Variants in LAMA3 observed in about 807,000 individuals in gnomAD.
The protein encoded by LAMA3 is laminin subunit alpha 3, also known as laminin subunit alpha-3.
In LAMA3, 281 loss-of-function variants were observed where a neutral mutation model predicts 402.0. The ratio of observed to expected loss-of-function variants is 0.70; its 90% CI spans 0.63 to 0.77. The LOEUF (loss-of-function observed/expected upper bound fraction) is 0.77. LAMA3 is among the 30% of genes least tolerant of loss of function. The probability of loss-of-function intolerance (pLI) is 0.00; values close to 1 mark genes in which losing one functional copy is unlikely to be tolerated. For synonymous variants in LAMA3, 1,431 were observed against 1,558.4 expected (o/e 0.92, Z 1.93); for missense variants, 3,840 against 4,215.5 (o/e 0.91, Z 2.47).
At chr18:23,745,127 G>T (rs2061629434) in intron 2 of LAMA3, among the ~76,000 whole-genome samples, 1 of 152,062 alleles carries the variant, frequency 6.6e-6, no homozygotes, top group South Asian at 2.1e-4. Context: ...AAGTATTTAG[G>T]AGGAAAGTAT....
At chr18:23,696,983 A>G (rs572217464) in intron 1 of LAMA3, among the ~76,000 whole-genome samples, 1 of 152,342 alleles carries the variant, frequency 6.6e-6, no homozygotes, top group South Asian at 2.1e-4. Context: ...AGAAAATTGT[A>G]GCTGAAGCAA....
intron 44 of LAMA3, among the ~76,000 whole-genome samples, chr18:23,897,261 T>C (rs979711350): frequency 6.6e-6 from 1 of 152,172 alleles, no homozygotes; most frequent in African/African-American, 2.4e-5. Context: ...ACTTTTGGGT[T>C]GAGGGCTGAT....
intron 2 of LAMA3, among the ~76,000 whole-genome samples, chr18:23,719,650 T>C (rs2061174071): frequency 6.6e-6 from 1 of 152,050 alleles, no homozygotes; most frequent in South Asian, 2.1e-4. Flanking sequence ...GAATTCAGTA[T>C]GTAGTTGCAT....
chr18:23,798,470 G>A (rs921614350), intron 12 of LAMA3, among the ~76,000 whole-genome samples: 8 of 152,140 alleles, frequency 5.3e-5, no homozygotes, highest in Admixed American at 3.3e-4. Context: ...GTCAGACACC[G>A]GCCGGGGAGG....
chr18:23,690,088 G>A, intron 1 of LAMA3, 111 bp downstream of exon 1: 1 of 872,936 alleles, frequency 1.1e-6, no homozygotes, highest in Non-Finnish European at 1.6e-6. Context: ...GGCTCCGGGC[G>A]ACTGGGAAGG....
At chr18:23,811,899 AGTCTCGCTCT>A (rs1466755765) in intron 13 of LAMA3, among the ~76,000 whole-genome samples, 2 of 151,732 alleles carry the variant, frequency 1.3e-5, no homozygotes, top group African/African-American at 4.8e-5. Context: ...TTTGAGACAG[AGTCTCGCTCT>A]GTCCCCCAGG....
intron 32 of LAMA3, among the ~76,000 whole-genome samples, chr18:23,850,293 AT>A (rs1362251593): frequency 6.6e-6 from 1 of 152,210 alleles, no homozygotes; most frequent in Non-Finnish European, 1.5e-5. Context: ...TGTTACAAAT[AT>A]TCATCTACTT....
intron 36 of LAMA3, among the ~76,000 whole-genome samples, 170 bp from the exon 37 acceptor site, chr18:23,867,664 T>A (rs1349326803): frequency 6.6e-6 from 1 of 152,236 alleles, no homozygotes; most frequent in Non-Finnish European, 1.5e-5. Flanking sequence ...TACTTATAAT[T>A]ATTCTGTTTC....
intron 24 of LAMA3, chr18:23,834,192 A>G: frequency 1.6e-6 from 1 of 607,784 alleles, no homozygotes; most frequent in Non-Finnish European, 2.9e-6. Context: ...AAAATGTGGC[A>G]TTTTCTTAAA....
intron 2 of LAMA3, among the ~76,000 whole-genome samples, chr18:23,727,917 A>G (rs1039139991): frequency 1.3e-5 from 2 of 151,802 alleles, no homozygotes; most frequent in African/African-American, 4.8e-5. Context: ...TTATTTTTGT[A>G]GAGATAGGGT....
Position 23,873,085 on chromosome 18 carries a change from G to A in LAMA3, c.4998+1424G>A, listed in dbSNP as rs2064582846. Reference sequence around the variant, plus strand: ...AGGCGGTCAGCCTGCAGCATGGGATGGCTGTGGATCTTTGGGGCAGCCCTG... The same window carrying A: ...AGGCGGTCAGCCTGCAGCATGGGATAGCTGTGGATCTTTGGGGCAGCCCTG... On this transcript the variant is annotated intron_variant, in intron 38 of 74. Transcript: ENST00000313654. 1 of 1,614,226 alleles carries A rather than the reference G, an allele frequency of 6.2e-7. No homozygotes were observed. Among genetic ancestry groups the A allele is most frequent in the Non-Finnish European group, 8.5e-7 (1 of 1,180,048 alleles).
At chr18:23,903,369 CA>C (rs1475058423) in intron 49 of LAMA3, among the ~76,000 whole-genome samples, 1 of 151,980 alleles carries the variant, frequency 6.6e-6, no homozygotes, top group Non-Finnish European at 1.5e-5. Context: ...GTGATAGCAA[CA>C]AAAAAATTAT....
chr18:23,690,029 G>C, intron 1 of LAMA3, 52 bp downstream of exon 1: 1 of 1,307,784 alleles, frequency 7.6e-7, no homozygotes, highest in South Asian at 1.6e-5. Flanking sequence ...TTCCCGCGCC[G>C]GCCAGACACC....
intron 74 of LAMA3, 102 bp from the exon 75 acceptor site, chr18:23,954,401 T>TAAA (rs11406615): frequency 1.6e-3 from 1,055 of 678,572 alleles, no homozygotes; most frequent in Middle Eastern, 2.5e-3. Context: ...GGACCCTGTC[T>TAAA]AAAAAAAAAA....
At chr18:23,816,340 G>C (rs776417278) in intron 17 of LAMA3, 48 bp from the exon 18 acceptor site, 1 of 1,459,664 alleles carries the variant, frequency 6.9e-7, no homozygotes, top group Admixed American at 1.7e-5. Flanking sequence ...GAGGCGCTCA[G>C]TGTGGAGATG....
chr18:23,834,013 C>A, intron 24 of LAMA3, 25 bp downstream of exon 24: 2 of 1,613,588 alleles, frequency 1.2e-6, no homozygotes, highest in South Asian at 2.2e-5. Context: ...CAAGGGAATT[C>A]CTCTGTAAAG....
chr18:23,904,215 C>A, intron 50 of LAMA3, 128 bp downstream of exon 50: 1 of 1,031,678 alleles, frequency 9.7e-7, no homozygotes, highest in Non-Finnish European at 1.5e-6. Flanking sequence ...AGGGTGGGGT[C>A]AAGGCCAATG....
intron 38 of LAMA3, among the ~76,000 whole-genome samples, 166 bp from the exon 39 acceptor site, chr18:23,876,128 T>C (rs1291764322): frequency 6.6e-6 from 1 of 152,136 alleles, no homozygotes; most frequent in East Asian, 1.9e-4. Flanking sequence ...TAGTGGACTA[T>C]AAGCACACCT....
chr18:23,768,434 A>G (rs1281463862), intron 8 of LAMA3, among the ~76,000 whole-genome samples: 1 of 152,274 alleles, frequency 6.6e-6, no homozygotes, highest in Non-Finnish European at 1.5e-5. Flanking sequence ...CAAAACCACA[A>G]TGAGATATCA....
Sources: gnomAD v4.1 joint callset for allele counts (sites outside exome capture counted in the v4.1 genomes callset) on GRCh38, gnomAD v4.1.1 for gene constraint, MANE v1.5 for transcripts, NCBI Gene and HGNC (gene_info 2026-07-23, HGNC 2026-07-21) for gene names.